Variants in PPP2R5C observed in about 807,000 individuals in gnomAD.
PPP2R5C encodes the protein serine/threonine-protein phosphatase 2A 56 kDa regulatory subunit gamma isoform.
Under a neutral mutation model 68.9 loss-of-function variants are expected in PPP2R5C, and 7 were observed. The observed-to-expected ratio is 0.10, with a 90% CI of 0.06 to 0.19. PPP2R5C has a LOEUF of 0.19. Ranked by LOEUF, PPP2R5C falls within the 10% of genes least tolerant of loss-of-function variation. The pLI is 1.00. For synonymous variants in PPP2R5C, 210 were observed against 222.2 expected, an observed-to-expected ratio of 0.95 and a Z score of 0.49; for missense variants, 348 against 641.3, an observed-to-expected ratio of 0.54 and a Z score of 4.94.
intron 11 of PPP2R5C, among the ~76,000 whole-genome samples, chr14:101,911,745 G>A (rs1401487424): frequency 1.3e-5 from 2 of 152,048 alleles, no homozygotes; most frequent in African/African-American, 2.4e-5. Context: ...TAGCCGGGCG[G>A]TAGTAGCACG....
chr14:101,843,171 T>C (rs1210234929), intron 1 of PPP2R5C, among the ~76,000 whole-genome samples: 1 of 152,114 alleles, frequency 6.6e-6, no homozygotes, highest in African/African-American at 2.4e-5. Flanking sequence ...GAGGCTACAG[T>C]GAGCTGTGAT....
chr14:101,831,794 CG>C, intron 1 of PPP2R5C: 2 of 701,714 alleles, frequency 2.9e-6, no homozygotes, highest in Non-Finnish European at 5.2e-6. Flanking sequence ...CTTGAATATG[CG>C]TGGATTTGGG....
rs990112834 is a variant in PPP2R5C at position 101,915,331 on chromosome 14, C to T, written c.1327-2500C>T. ...TCCTGACCTTGTGATCTACCTGCCT[C>T]GGCCTCCCAGAGTGCTGGGATTACA... On this transcript the variant is annotated intron_variant, in intron 12 of 13. Coordinates refer to ENST00000334743, the Ensembl canonical transcript of PPP2R5C. The surrounding 1 kb of genome is among the most constrained non-coding windows in gnomAD (Gnocchi z 4.2). Among the ~76,000 whole-genome samples the T allele has an allele frequency of 2.6e-5, 4 of 152,162 alleles. No individual in the cohort carries two copies. Among genetic ancestry groups the T allele is most frequent in the East Asian group, 1.9e-4 (1 of 5,200 alleles).
chr14:101,777,100 C>G (rs543210975), intron 2 of PPP2R5C, among the ~76,000 whole-genome samples: 1 of 151,820 alleles, frequency 6.6e-6, no homozygotes, highest in Non-Finnish European at 1.5e-5. Flanking sequence ...AGGATGGTCT[C>G]GAGCTCCTGA....
chr14:101,831,794 C>T (rs1566882276), intron 1 of PPP2R5C: 4 of 701,596 alleles, frequency 5.7e-6, no homozygotes, highest in Non-Finnish European at 7.8e-6. Flanking sequence ...CTTGAATATG[C>T]GTGGATTTGG....
chr14:101,927,496 A>C (rs1229498064), exon 14 of PPP2R5C: 1 of 152,648 alleles, frequency 6.6e-6, no homozygotes, highest in Non-Finnish European at 1.5e-5. Context: ...CATTGAAAAT[A>C]AACCGGTGAC....
intron 7 of PPP2R5C, 34 bp downstream of exon 9, chr14:101,893,142 T>C (rs747381263): frequency 1.4e-6 from 2 of 1,442,732 alleles, no homozygotes; most frequent in Admixed American, 3.4e-5. Context: ...AACACAGCTG[T>C]TGGCATTTGA....
intron 2 of PPP2R5C, among the ~76,000 whole-genome samples, chr14:101,780,241 T>C (rs1160999066): frequency 6.6e-6 from 1 of 152,106 alleles, no homozygotes; most frequent in African/African-American, 2.4e-5. Context: ...CCTCCTCCCT[T>C]TTTCATTTGG....
At chr14:101,925,074 C>T in intron 13 of PPP2R5C, 67 bp from the exon 16 acceptor site, 3 of 1,575,900 alleles carry the variant, frequency 1.9e-6, no homozygotes, top group South Asian at 1.1e-5. Flanking sequence ...TGACTTCCAC[C>T]TCAGAAGTAA....
At chr14:101,878,178 C>T (rs1284411107) in intron 2 of PPP2R5C, among the ~76,000 whole-genome samples, 2 of 152,212 alleles carry the variant, frequency 1.3e-5, no homozygotes, top group Non-Finnish European at 2.9e-5. Flanking sequence ...CCTGGAGGGC[C>T]AAGGCCCCAC....
At chr14:101,805,725 G>A (rs575771914), upstream of PPP2R5C, among the ~76,000 whole-genome samples, 15 of 152,332 alleles carry the variant, frequency 9.8e-5, no homozygotes, top group African/African-American at 3.6e-4. Context: ...TCAGCCCTTT[G>A]AAGGTAGGAA....
At chr14:101,761,157 C>G (rs2036504862), upstream of PPP2R5C, among the ~76,000 whole-genome samples, 1 of 152,070 alleles carries the variant, frequency 6.6e-6, no homozygotes, top group Non-Finnish European at 1.5e-5. Flanking sequence ...CCCGGGCCTC[C>G]CCGTGCGCCT....
upstream of PPP2R5C, chr14:101,760,576 A>G: frequency 1.9e-6 from 1 of 534,076 alleles, no homozygotes; most frequent in Non-Finnish European, 2.3e-6. Flanking sequence ...TCGCGGCAAA[A>G]GCTGCGGAGG....
At chr14:101,922,774 T>C (rs564724401) in intron 13 of PPP2R5C, among the ~76,000 whole-genome samples, 44 of 150,974 alleles carry the variant, frequency 2.9e-4, no homozygotes, top group South Asian at 1.9e-3. Context: ...GCTGTAATCA[T>C]GCCACTGCAT....
intron 13 of PPP2R5C, among the ~76,000 whole-genome samples, chr14:101,918,882 A>G (rs1176645199): frequency 6.6e-6 from 1 of 151,320 alleles, no homozygotes; most frequent in African/African-American, 2.4e-5. Context: ...GCCTGGGGAC[A>G]TTGGCCTTTC....
rs188980930 is a variant in PPP2R5C, at chr14:101,923,702, C to T, written c.1444-1439C>T. 1.6e-3 allele frequency among the ~76,000 whole-genome samples: 245 copies of T among 152,262 alleles called. 2 individuals carry two copies. Among genetic ancestry groups the T allele is most frequent in the Non-Finnish European group, 3.1e-3 (211 of 68,014 alleles). On this transcript the variant is annotated intron_variant, in intron 13 of 13. Transcript: ENST00000334743. Reference sequence around the variant, plus strand: ...TCAAATAACATTTCTAGAAATAATCCTAAAGTGATGTGACAAAATTCTTTT... The same window carrying T: ...TCAAATAACATTTCTAGAAATAATCTTAAAGTGATGTGACAAAATTCTTTT...
At chr14:101,868,773 CT>C (rs1469345539) in intron 2 of PPP2R5C, among the ~76,000 whole-genome samples, 2 of 152,106 alleles carry the variant, frequency 1.3e-5, no homozygotes, top group Non-Finnish European at 2.9e-5. Context: ...CTTTCCATAA[CT>C]TTTTTTAAAT....
chr14:101,829,004 C>T (rs1295466704), intron 1 of PPP2R5C, among the ~76,000 whole-genome samples: 1 of 152,178 alleles, frequency 6.6e-6, no homozygotes, highest in Non-Finnish European at 1.5e-5. Flanking sequence ...TTTCTTACCT[C>T]AAAAACTATG....
At chr14:101,773,040 G>A (rs974667646) in intron 2 of PPP2R5C, among the ~76,000 whole-genome samples, 4 of 152,138 alleles carry the variant, frequency 2.6e-5, no homozygotes, top group African/African-American at 7.2e-5. Context: ...TATCTTGGCC[G>A]ATTTCTCTGA....
Sources: gnomAD v4.1 joint callset for allele counts (sites outside exome capture counted in the v4.1 genomes callset) on GRCh38, gnomAD v4.1.1 for gene constraint, Gnocchi (gnomAD v3.1) non-coding constraint, MANE v1.5 for transcripts, NCBI Gene and HGNC (gene_info 2026-07-23, HGNC 2026-07-21) for gene names.